The following NRG1 variants were observed in gnomAD, a reference collection of about 807,000 sequenced individuals.
The protein encoded by NRG1 is pro-neuregulin-1, membrane-bound isoform.
NRG1 carries 18 observed loss-of-function variants against 63.8 expected under a neutral mutation model. That is an observed-to-expected ratio of 0.28 (90% CI 0.19 to 0.42). The LOEUF (loss-of-function observed/expected upper bound fraction) is 0.42, where lower values mean the gene tolerates loss of function less well. Ranked by LOEUF, NRG1 falls within the 10% of genes least tolerant of loss-of-function variation. The pLI is 1.00. For synonymous variants in NRG1, 302 were observed against 301.3 expected, an observed-to-expected ratio of 1.00 and a Z score of -0.02; for missense variants, 762 against 814.7, an observed-to-expected ratio of 0.94 and a Z score of 0.79.
At position 32,687,430 on chromosome 8, in the gene NRG1, G is replaced by A. The variant is rs1334856801; in HGVS notation, c.503-40519G>A. Among the ~76,000 whole-genome samples the A allele has an allele frequency of 2.0e-5, 3 of 152,160 alleles. No individual in the cohort carries two copies. In the East Asian group the frequency reaches 5.8e-4, roughly 29 times the overall value. On this transcript the variant is annotated intron_variant, in intron 5 of 11. Transcript: ENST00000356819. ...CACTTGAAGTTATCCCAAAGGTCAG[G>A]GGAAGAAAAGGGAAAACCAGAAACC...
At chr8:31,942,591 G>A (rs892180250) in intron 1 of NRG1, among the ~76,000 whole-genome samples, 2 of 152,072 alleles carry the variant, frequency 1.3e-5, no homozygotes, top group Non-Finnish European at 2.9e-5. Flanking sequence ...AATCAGCAGA[G>A]TTAACAGACA....
chr8:31,657,886 G>A (rs997562501), intron 1 of NRG1, among the ~76,000 whole-genome samples: 2 of 152,158 alleles, frequency 1.3e-5, no homozygotes, highest in East Asian at 3.9e-4. Context: ...ACCACGACAA[G>A]GCTGGGAACA....
chr8:32,193,917 G>A (rs1245710069), intron 1 of NRG1, among the ~76,000 whole-genome samples: 2 of 152,222 alleles, frequency 1.3e-5, no homozygotes, highest in African/African-American at 4.8e-5. Context: ...GAAGGCCTGG[G>A]ACAGGCCCTT....
At chr8:31,814,662 A>G (rs1208669586) in intron 1 of NRG1, among the ~76,000 whole-genome samples, 2 of 149,538 alleles carry the variant, frequency 1.3e-5, no homozygotes, top group Non-Finnish European at 3.0e-5. Context: ...AAAATTAAAT[A>G]TTAAATAATT....
chr8:31,694,706 C>A lies in NRG1; in HGVS notation c.37+55275C>A, dbSNP rs139067100. Among the ~76,000 whole-genome samples, 711 of 152,246 alleles carry A rather than the reference C, an allele frequency of 4.7e-3. 2 individuals carry two copies. Among genetic ancestry groups the A allele is most frequent in the South Asian group, 0.027 (128 of 4,820 alleles). On this transcript the variant is annotated intron_variant, in intron 1 of 10. Transcript: ENST00000519301. ...ATAGGGACATTTGCGGCATCTAACC[C>A]AGGTCTTTTTCATTCCCAGGCTAGG...
chr8:32,167,801 A>G (rs1399349005), intron 1 of NRG1, among the ~76,000 whole-genome samples: 1 of 152,248 alleles, frequency 6.6e-6, no homozygotes, highest in Non-Finnish European at 1.5e-5. Flanking sequence ...GCAGCGAAAC[A>G]GAATGTGTCT....
intron 1 of NRG1, among the ~76,000 whole-genome samples, chr8:32,176,730 C>T (rs552478497): frequency 2.8e-4 from 43 of 152,298 alleles, no homozygotes; most frequent in African/African-American, 1.0e-3. Flanking sequence ...TGAAAAAATG[C>T]TCATCATCAC....
intron 1 of NRG1, among the ~76,000 whole-genome samples, chr8:31,931,110 G>C (rs866511674): frequency 2.0e-4 from 31 of 152,228 alleles, no homozygotes; most frequent in African/African-American, 7.0e-4. Flanking sequence ...GGAGAATGGT[G>C]AAAAACAGTC....
intron 11 of NRG1, chr8:32,763,429 G>A (rs1831074037): frequency 9.2e-6 from 14 of 1,518,220 alleles, no homozygotes; most frequent in Non-Finnish European, 1.3e-5. Flanking sequence ...AAGCTGAGAG[G>A]TTTCCAGGAC....
At chr8:32,573,814 C>T (rs375933432) in intron 1 of NRG1, among the ~76,000 whole-genome samples, 2 of 152,158 alleles carry the variant, frequency 1.3e-5, no homozygotes, top group African/African-American at 4.8e-5. Flanking sequence ...CCTCCCACCC[C>T]ACAACAGTCC....
intron 1 of NRG1, among the ~76,000 whole-genome samples, chr8:31,869,374 G>A (rs1829280130): frequency 6.6e-6 from 1 of 152,104 alleles, no homozygotes; most frequent in Non-Finnish European, 1.5e-5. Context: ...ACTTGACCAT[G>A]CAGCCACACC....
At chr8:32,710,785 T>C (rs1054281487) in intron 5 of NRG1, among the ~76,000 whole-genome samples, 2 of 152,126 alleles carry the variant, frequency 1.3e-5, no homozygotes, top group Non-Finnish European at 2.9e-5. Flanking sequence ...TTTCTAGTGT[T>C]TAGGAAAGCT....
chr8:32,144,541 T>G (rs1254547843), intron 1 of NRG1, among the ~76,000 whole-genome samples: 1 of 152,182 alleles, frequency 6.6e-6, no homozygotes, highest in Non-Finnish European at 1.5e-5. Context: ...GCTGCCTGTT[T>G]TGCATAATTC....
At chr8:31,859,685 A>G (rs370517491) in intron 1 of NRG1, among the ~76,000 whole-genome samples, 171 of 152,350 alleles carry the variant, frequency 1.1e-3, no homozygotes, top group Middle Eastern at 6.8e-3. Flanking sequence ...TTGATAATCT[A>G]TTGTATGTTT....
chr8:32,735,494 A>G (rs1396978321), intron 6 of NRG1, among the ~76,000 whole-genome samples: 1 of 152,210 alleles, frequency 6.6e-6, no homozygotes, highest in Non-Finnish European at 1.5e-5. Flanking sequence ...TAGATGTTTT[A>G]TCACAGAATG....
At chr8:32,140,601 A>G (rs934091055) in intron 1 of NRG1, among the ~76,000 whole-genome samples, 1 of 151,986 alleles carries the variant, frequency 6.6e-6, no homozygotes, top group African/African-American at 2.4e-5. Flanking sequence ...AGCTGGGACT[A>G]CAGGCATGTG....
chr8:31,858,187 T>A (rs1828110797), intron 1 of NRG1, among the ~76,000 whole-genome samples: 1 of 151,940 alleles, frequency 6.6e-6, no homozygotes, highest in Non-Finnish European at 1.5e-5. Context: ...TAGTCCCAGC[T>A]ACTCGGGAGG....
chr8:31,692,647 C>T (rs1809643208), intron 1 of NRG1, among the ~76,000 whole-genome samples: 1 of 152,208 alleles, frequency 6.6e-6, no homozygotes, highest in African/African-American at 2.4e-5. Context: ...GCAGAATCAG[C>T]TGCCTTGATA....
chr8:32,625,788 C>CTTTTTTTT (rs1563796353), intron 5 of NRG1, among the ~76,000 whole-genome samples: 4 of 94,238 alleles, frequency 4.2e-5, no homozygotes, highest in African/African-American at 8.2e-5. Flanking sequence ...TTTTTTTTTT[C>CTTTTTTTT]TTTTTTCTTT....
Sources: allele counts gnomAD v4.1 joint callset (sites outside exome capture counted in the v4.1 genomes callset), GRCh38; gene constraint gnomAD v4.1.1; transcripts MANE v1.5; gene names NCBI Gene and HGNC (gene_info 2026-07-23, HGNC 2026-07-21).